Variants in RANBP17 observed in about 807,000 individuals in gnomAD.
RANBP17 encodes RAN binding protein 17, also known as ran-binding protein 17.
In RANBP17, 158 loss-of-function variants were observed where a neutral mutation model predicts 141.2. That is an observed-to-expected ratio of 1.12 (90% CI 0.98 to 1.28). The LOEUF (loss-of-function observed/expected upper bound fraction) is 1.28, where lower values mean the gene tolerates loss of function less well. RANBP17 is among the 50% of genes most tolerant of loss of function. RANBP17 has a pLI of 0.00. For synonymous variants in RANBP17, 430 were observed against 450.0 expected (o/e 0.96, Z 0.56); for missense variants, 1,438 against 1,290.7 (o/e 1.11, Z -1.75).
rs554695662 is a variant in RANBP17, at chr5:170,862,495, C to T, written c.18+444C>T. 1.4e-4 allele frequency among the ~76,000 whole-genome samples: 21 copies of T among 152,326 alleles called. 1 individual carries two copies. The South Asian group carries it at 4.3e-3, about 32-fold the overall frequency. On this transcript the variant is annotated intron_variant, in intron 1 of 27. Transcript: ENST00000523189. ...GTCGCCGGCGCGGCTCTATCGTCAG[C>T]CTCCCTCCACACAGTTGAGCCCCAG...
At chr5:171,266,486 G>A (rs571296395) in intron 25 of RANBP17, among the ~76,000 whole-genome samples, 71 of 152,092 alleles carry the variant, frequency 4.7e-4, no homozygotes, top group Non-Finnish European at 7.5e-4. Flanking sequence ...TAATAGTAAC[G>A]GCATGCATAA....
At chr5:171,031,833 A>T (rs1346913270) in intron 14 of RANBP17, among the ~76,000 whole-genome samples, 2 of 152,010 alleles carry the variant, frequency 1.3e-5, no homozygotes. Flanking sequence ...TCCTACTATT[A>T]TCTCTACCAT....
intron 22 of RANBP17, among the ~76,000 whole-genome samples, chr5:171,222,783 C>A (rs1180689670): frequency 1.3e-5 from 2 of 152,002 alleles, no homozygotes; most frequent in East Asian, 3.9e-4. Context: ...GGCACGCCAC[C>A]ACGCCTGGCT....
chr5:170,895,194 A>C (rs1770013185), intron 4 of RANBP17, among the ~76,000 whole-genome samples: 1 of 152,234 alleles, frequency 6.6e-6, no homozygotes, highest in Non-Finnish European at 1.5e-5. Flanking sequence ...ATTTGAATTT[A>C]ATTACATCCA....
chr5:171,208,149 A>G (rs1428881200), intron 20 of RANBP17, among the ~76,000 whole-genome samples: 2 of 152,242 alleles, frequency 1.3e-5, no homozygotes, highest in African/African-American at 4.8e-5. Flanking sequence ...ACATCCTGTA[A>G]GAGCACATGT....
chr5:170,958,252 G>T (rs1775880939), intron 13 of RANBP17, among the ~76,000 whole-genome samples: 1 of 152,122 alleles, frequency 6.6e-6, no homozygotes, highest in South Asian at 2.1e-4. Context: ...ATGTTTCCTG[G>T]CCTCTTTGAG....
intron 14 of RANBP17, among the ~76,000 whole-genome samples, chr5:171,055,516 A>G (rs1166530371): frequency 2.0e-5 from 3 of 152,204 alleles, no homozygotes; most frequent in Non-Finnish European, 4.4e-5. Flanking sequence ...TAATTTTCAC[A>G]TATGCTTTTT....
At chr5:170,982,919 G>T in intron 14 of RANBP17, 1 of 307,474 alleles carries the variant, frequency 3.3e-6, no homozygotes, top group Non-Finnish European at 6.2e-6. Flanking sequence ...ATAGAAGACA[G>T]TGAAACATTG....
chr5:171,121,859 G>A (rs551330431), intron 14 of RANBP17, among the ~76,000 whole-genome samples: 5 of 152,332 alleles, frequency 3.3e-5, no homozygotes, highest in African/African-American at 1.2e-4. Context: ...GCACACTCCA[G>A]AGGTGCCTCT....
intron 14 of RANBP17, among the ~76,000 whole-genome samples, chr5:171,054,236 A>G (rs145619634): frequency 9.6e-4 from 146 of 152,238 alleles, no homozygotes; most frequent in Non-Finnish European, 1.6e-3. Flanking sequence ...TTTAAAGTGA[A>G]AGCAAGTTTA....
In RANBP17 at chr5:171,067,469, A is replaced by C. The variant is rs75130846; in HGVS notation, c.1710+99092A>C. Among the ~76,000 whole-genome samples the C allele has an allele frequency of 7.5e-3, 1,145 of 152,238 alleles. 12 individuals are homozygous for C. Among genetic ancestry groups the C allele is most frequent in the African/African-American group, 0.026 (1,084 of 41,560 alleles). On this transcript the variant is annotated intron_variant, in intron 14 of 27. Coordinates refer to ENST00000523189, the MANE Select transcript of RANBP17 (RefSeq NM_022897.5). ...ATCTGTGTACTTACTTTTATCAGAGATCTCTATTTCTCTGTACGCCTTCGA... is the reference window on the plus strand; with the variant it reads ...ATCTGTGTACTTACTTTTATCAGAGCTCTCTATTTCTCTGTACGCCTTCGA...
chr5:171,005,859 A>G (rs906393926), intron 14 of RANBP17, among the ~76,000 whole-genome samples: 98 of 152,352 alleles, frequency 6.4e-4, no homozygotes, highest in Non-Finnish European at 7.2e-4. Flanking sequence ...ACAAAGGGCT[A>G]ATATCCAGAA....
At chr5:171,017,278 A>G (rs1162975290) in intron 14 of RANBP17, among the ~76,000 whole-genome samples, 1 of 152,110 alleles carries the variant, frequency 6.6e-6, no homozygotes, top group African/African-American at 2.4e-5. Flanking sequence ...CAGTAATGGG[A>G]TTGCTGGGTT....
chr5:170,956,617 A>G (rs1011817778), intron 13 of RANBP17, among the ~76,000 whole-genome samples: 9 of 151,784 alleles, frequency 5.9e-5, no homozygotes, highest in African/African-American at 2.2e-4. Context: ...CGCCTGGCTA[A>G]TTTTGTATTT....
At chr5:171,228,266 G>A (rs902963602) in intron 22 of RANBP17, among the ~76,000 whole-genome samples, 2 of 152,144 alleles carry the variant, frequency 1.3e-5, no homozygotes, top group African/African-American at 2.4e-5. Flanking sequence ...AATATTTAGC[G>A]GGAGTTTGGA....
Position 171,298,769 on chromosome 5 carries a change from C to G in RANBP17, c.3178C>G (p.Gln1060Glu). Residue 1060 changes from glutamine to glutamate, a missense_variant, in exon 28 of 28, where the codon CAA (glutamine) becomes GAA (glutamate). Transcript: ENST00000523189. ...LSVKNRDRFT[Q>E]NLSVFRRDVA... ...TTCTTCCTCTTTCTGCAGGTTCACCCAAAATCTGTCTGTATTCAGAAGAGA... is the reference window on the plus strand; with the variant it reads ...TTCTTCCTCTTTCTGCAGGTTCACCGAAAATCTGTCTGTATTCAGAAGAGA... The G allele has an allele frequency of 1.2e-6, 2 of 1,613,782 alleles. No individual in the cohort carries two copies. Among genetic ancestry groups the G allele is most frequent in the Non-Finnish European group, 1.7e-6 (2 of 1,179,714 alleles).
intron 12 of RANBP17, among the ~76,000 whole-genome samples, chr5:170,939,430 G>C (rs181605925): frequency 2.0e-4 from 30 of 151,692 alleles, no homozygotes; most frequent in African/African-American, 6.8e-4. Context: ...TGTCAACCAG[G>C]CTGGAGTGCA....
Position 171,127,014 on chromosome 5 carries a change from A to G in RANBP17, c.1711-43116A>G, listed in dbSNP as rs1367753178. 2.6e-5 allele frequency among the ~76,000 whole-genome samples: 4 copies of G among 152,212 alleles called. No individual in the cohort carries two copies. The East Asian group carries it at 7.7e-4, about 29-fold the overall frequency. On this transcript the variant is annotated intron_variant, in intron 14 of 27. Coordinates refer to ENST00000523189, the MANE Select transcript of RANBP17 (RefSeq NM_022897.5). ...CAATACCTTGATACCAAAACCAGAC[A>G]AGAACACAAGAAAACATAAAAACTA... is the stretch of plus-strand genomic sequence containing the variant.
intron 14 of RANBP17, among the ~76,000 whole-genome samples, chr5:171,075,388 C>T (rs1784856960): frequency 1.3e-5 from 2 of 152,058 alleles, no homozygotes; most frequent in Admixed American, 1.3e-4. Context: ...AAAGTATTGG[C>T]ACATGCTACA....
Sources: allele counts gnomAD v4.1 joint callset (sites outside exome capture counted in the v4.1 genomes callset), GRCh38; gene constraint gnomAD v4.1.1; transcripts MANE v1.5; gene names NCBI Gene and HGNC (gene_info 2026-07-23, HGNC 2026-07-21).